The following DGKB variants were observed in gnomAD, a reference collection of about 807,000 sequenced individuals.
DGKB encodes diacylglycerol kinase beta.
In DGKB, 67 loss-of-function variants were observed where a neutral mutation model predicts 114.3. That is an observed-to-expected ratio of 0.59 (90% CI 0.48 to 0.72). DGKB has a LOEUF of 0.72. Ranked by LOEUF, DGKB falls within the 30% of genes least tolerant of loss-of-function variation. The pLI is 0.00. For missense variants in DGKB, 907 were observed against 975.2 expected, an observed-to-expected ratio of 0.93 and a Z score of 0.93; for synonymous variants, 398 against 323.1, an observed-to-expected ratio of 1.23 and a Z score of -2.49.
rs533787196 is a variant in DGKB at position 14,787,178 on chromosome 7, G to A, written c.71-29447C>T. Among the ~76,000 whole-genome samples, 3 of 152,156 alleles carry A rather than the reference G, an allele frequency of 2.0e-5. No individual in the cohort carries two copies. The East Asian group carries it at 5.8e-4, about 29-fold the overall frequency. Reference sequence around the variant, plus strand: ...TTCCCAGATACGGGCCAAGAACTCAGGACCAGCTTAAGCAACAACAGTAGG... The same window carrying A: ...TTCCCAGATACGGGCCAAGAACTCAAGACCAGCTTAAGCAACAACAGTAGG... On this transcript the variant is annotated intron_variant, in intron 2 of 25. Coordinates refer to ENST00000402815, the MANE Select transcript of DGKB (RefSeq NM_001350709.2).
intron 23 of DGKB, among the ~76,000 whole-genome samples, chr7:14,291,192 T>C (rs939936817): frequency 6.8e-6 from 1 of 146,128 alleles, no homozygotes. Context: ...GATACTTGGA[T>C]GAGCTATGAC....
intron 13 of DGKB, among the ~76,000 whole-genome samples, chr7:14,640,647 G>C (rs1811597341): frequency 6.6e-6 from 1 of 152,160 alleles, no homozygotes; most frequent in African/African-American, 2.4e-5. Context: ...AACAAAGACA[G>C]GCAATGAGAC....
rs192560948 is a variant in DGKB at position 14,529,270 on chromosome 7, T to G, written c.1770+44942A>C. ...GAAGAAATACAGAAATGGTGGAGTTTTGAAGATGGGCAAGAAGAGAAGGGT... is the reference window on the plus strand; with the variant it reads ...GAAGAAATACAGAAATGGTGGAGTTGTGAAGATGGGCAAGAAGAGAAGGGT... On this transcript the variant is annotated intron_variant, in intron 20 of 25. Coordinates refer to ENST00000402815, the MANE Select transcript of DGKB (RefSeq NM_001350709.2). 3.3e-5 allele frequency among the ~76,000 whole-genome samples: 5 copies of G among 152,104 alleles called. No individual in the cohort carries two copies. The East Asian group carries it at 9.6e-4, about 29-fold the overall frequency.
intron 1 of DGKB, among the ~76,000 whole-genome samples, chr7:14,849,850 G>T (rs1849113587): frequency 6.6e-6 from 1 of 152,114 alleles, no homozygotes; most frequent in African/African-American, 2.4e-5. Context: ...TCAAGACAAG[G>T]ATAAAGGGAG....
At chr7:14,789,987 A>G (rs988081721) in intron 2 of DGKB, among the ~76,000 whole-genome samples, 2 of 152,146 alleles carry the variant, frequency 1.3e-5, no homozygotes, top group African/African-American at 2.4e-5. Flanking sequence ...AGCTATTCTA[A>G]TAGCTGAATA....
At chr7:14,564,061 A>T (rs1314736135) in intron 20 of DGKB, among the ~76,000 whole-genome samples, 1 of 152,166 alleles carries the variant, frequency 6.6e-6, no homozygotes, top group African/African-American at 2.4e-5. Flanking sequence ...AATTTGTGTG[A>T]TGAACTCATG....
At chr7:14,526,990 T>G (rs1203385028) in intron 20 of DGKB, among the ~76,000 whole-genome samples, 1 of 152,170 alleles carries the variant, frequency 6.6e-6, no homozygotes, top group Non-Finnish European at 1.5e-5. Context: ...TTTATTTAGC[T>G]TTCAGGAACC....
chr7:14,775,976 T>C (rs980334550), intron 2 of DGKB, among the ~76,000 whole-genome samples: 2 of 152,044 alleles, frequency 1.3e-5, no homozygotes, highest in African/African-American at 4.8e-5. Flanking sequence ...TTTGGAACTT[T>C]CCAGAGACTT....
At chr7:14,493,925 TACACACACACACAC>T (rs372780599) in intron 20 of DGKB, among the ~76,000 whole-genome samples, 9 of 137,722 alleles carry the variant, frequency 6.5e-5, no homozygotes, top group Non-Finnish European at 8.1e-5. Flanking sequence ...CATGGTATCA[TACACACACACACAC>T]ACACACACAC....
intron 13 of DGKB, among the ~76,000 whole-genome samples, chr7:14,652,392 A>T (rs989582551): frequency 5.3e-5 from 8 of 151,808 alleles, no homozygotes; most frequent in Admixed American, 4.6e-4. Flanking sequence ...AAAAACAAGC[A>T]ATGGGGAAAG....
chr7:14,281,026 T>G (rs1799863497), intron 23 of DGKB, among the ~76,000 whole-genome samples: 1 of 150,380 alleles, frequency 6.6e-6, no homozygotes, highest in Non-Finnish European at 1.5e-5. Context: ...ACTTTAAATG[T>G]AAATGGACTA....
intron 5 of DGKB, among the ~76,000 whole-genome samples, chr7:14,720,671 A>G (rs1829024791): frequency 6.6e-6 from 1 of 151,986 alleles, no homozygotes; most frequent in South Asian, 2.1e-4. Context: ...AGTCTTATTT[A>G]TTTCAAATGT....
At chr7:14,785,518 A>T (rs981392113) in intron 2 of DGKB, among the ~76,000 whole-genome samples, 1 of 152,126 alleles carries the variant, frequency 6.6e-6, no homozygotes, top group African/African-American at 2.4e-5. Flanking sequence ...ATTAAATTAA[A>T]TTAAATTATA....
chr7:14,486,324 G>A lies in DGKB; in HGVS notation c.1771-8099C>T, dbSNP rs144703355. Among the ~76,000 whole-genome samples, 201 of 152,294 alleles carry A rather than the reference G, an allele frequency of 1.3e-3. 1 individual carries two copies. Among genetic ancestry groups the A allele is most frequent in the African/African-American group, 4.6e-3 (193 of 41,566 alleles). ...AGTGCCCTATTGTAATTGGAGGAAA[G>A]TTTACTCTTTTTAAATGACTACCAA... On this transcript the variant is annotated intron_variant, in intron 20 of 25. Coordinates refer to ENST00000402815, the MANE Select transcript of DGKB (RefSeq NM_001350709.2).
At chr7:14,769,220 A>G (rs73682544) in intron 2 of DGKB, among the ~76,000 whole-genome samples, 34 of 117,944 alleles carry the variant, frequency 2.9e-4, no homozygotes, top group Admixed American at 2.8e-3. Flanking sequence ...AAGAAAGAGA[A>G]AGAGAGAGAG....
At chr7:14,801,921 CATAT>C (rs1049327403) in intron 2 of DGKB, among the ~76,000 whole-genome samples, 8 of 138,920 alleles carry the variant, frequency 5.8e-5, no homozygotes, top group South Asian at 4.6e-4. Flanking sequence ...CACATATATA[CATAT>C]ACACACACAC....
chr7:14,947,658 T>A (rs1217129067), intron 1 of DGKB, among the ~76,000 whole-genome samples: 1 of 143,428 alleles, frequency 7.0e-6, no homozygotes, highest in African/African-American at 2.6e-5. Flanking sequence ...TGTGTAGGTG[T>A]CTTAATTTGT....
chr7:14,623,355 G>T (rs550522872), intron 14 of DGKB, among the ~76,000 whole-genome samples: 3 of 152,134 alleles, frequency 2.0e-5, no homozygotes, highest in Non-Finnish European at 4.4e-5. Context: ...TAGAAAGATC[G>T]GATTTTATTT....
chr7:14,450,421 A>G (rs1474500209), intron 21 of DGKB, among the ~76,000 whole-genome samples: 1 of 152,160 alleles, frequency 6.6e-6, no homozygotes, highest in Non-Finnish European at 1.5e-5. Flanking sequence ...AATAATTAAT[A>G]TGCCAAAGTT....
Sources: gnomAD v4.1 joint callset for allele counts (sites outside exome capture counted in the v4.1 genomes callset) on GRCh38, gnomAD v4.1.1 for gene constraint, MANE v1.5 for transcripts, NCBI Gene and HGNC (gene_info 2026-07-23, HGNC 2026-07-21) for gene names.